The following ODAD1 variants were observed in gnomAD, a reference collection of about 807,000 sequenced individuals.
ODAD1 encodes the protein outer dynein arm-docking complex subunit 1.
In ODAD1, 49 loss-of-function variants were observed where a neutral mutation model predicts 67.2. That is an observed-to-expected ratio of 0.73 (90% confidence interval 0.58 to 0.92). The LOEUF is 0.92. ODAD1 is among the 40% of genes least tolerant of loss of function. The probability of loss-of-function intolerance (pLI) is 0.00; values close to 1 mark genes in which losing one functional copy is unlikely to be tolerated. For missense variants in ODAD1, 897 were observed against 953.7 expected (o/e 0.94, Z 0.78); for synonymous variants, 345 against 393.7 (o/e 0.88, Z 1.46).
intron 1 of ODAD1, 156 bp downstream of exon 1, chr19:48,321,507 GAGGGGCTTCCCCGTA>G (rs1969029559): frequency 3.6e-6 from 1 of 279,386 alleles, no homozygotes; most frequent in Non-Finnish European, 6.7e-6. Flanking sequence ...ACAGCGAGCG[GAGGGGCTTCCCCGTA>G]AGGGGCGGGC....
At chr19:48,317,168 G>A (rs1233511281) in intron 5 of ODAD1, among the ~76,000 whole-genome samples, 1 of 151,888 alleles carries the variant, frequency 6.6e-6, no homozygotes, top group Non-Finnish European at 1.5e-5. Context: ...TTCAATGAAG[G>A]CTAGACCAGA....
Position 48,313,273 on chromosome 19 carries a change from C to T in ODAD1, c.361-1157G>A, listed in dbSNP as rs560586652. Among the ~76,000 whole-genome samples the T allele has an allele frequency of 8.2e-4, 124 of 151,828 alleles. 1 individual carries two copies. The highest frequency in any genetic ancestry group is 2.9e-3 in the African/African-American group (119 of 41,426). On this transcript the variant is annotated intron_variant, in intron 5 of 15. Coordinates refer to ENST00000674294, the MANE Select transcript of ODAD1 (RefSeq NM_001364171.2). Reference sequence around the variant, plus strand: ...GCGAAACCCCACCTCTACTAAAATACAAAAATTAGCAAGGCGTGGTGGCAG... The same window carrying T: ...GCGAAACCCCACCTCTACTAAAATATAAAAATTAGCAAGGCGTGGTGGCAG...
intron 13 of ODAD1, 37 bp downstream of exon 13, chr19:48,298,140 G>A: frequency 6.2e-7 from 1 of 1,611,936 alleles, no homozygotes; most frequent in Non-Finnish European, 8.5e-7. Flanking sequence ...CCACCCCCGA[G>A]ACCGGCCTCC....
At chr19:48,317,409 C>T (rs1428044967) in intron 5 of ODAD1, among the ~76,000 whole-genome samples, 4 of 152,156 alleles carry the variant, frequency 2.6e-5, no homozygotes, top group South Asian at 2.1e-4. Context: ...AGATGGGATT[C>T]GCAACCTGTC....
intron 12 of ODAD1, among the ~76,000 whole-genome samples, chr19:48,299,571 A>G (rs973279487): frequency 1.3e-5 from 2 of 152,156 alleles, no homozygotes; most frequent in African/African-American, 2.4e-5. Context: ...TGGGAAGCCA[A>G]GGCGGGTGGA....
chr19:48,303,856 A>T lies in ODAD1; in HGVS notation c.854-72T>A. ...CACAGAGACCTCCTGGGTGAGGGGG[A>T]GCGAAGTGTGGTCCCACCTGGGGCA... On this transcript the variant is annotated intron_variant, in intron 9 of 15. Transcript: ENST00000674294. 13 of 1,573,102 alleles carry T rather than the reference A, an allele frequency of 8.3e-6. 1 individual carries two copies. In the South Asian group the frequency reaches 1.6e-4, roughly 19 times the overall value.
intron 3 of ODAD1, chr19:48,319,333 C>T: frequency 1.8e-6 from 1 of 559,152 alleles, no homozygotes; most frequent in Non-Finnish European, 2.3e-6. Flanking sequence ...ACAGCAGACC[C>T]TACCCCTCAT....
At chr19:48,317,224 A>AT (rs1474474023) in intron 5 of ODAD1, among the ~76,000 whole-genome samples, 1 of 151,870 alleles carries the variant, frequency 6.6e-6, no homozygotes, top group African/African-American at 2.4e-5. Context: ...ATATATATAT[A>AT]TATTATTTGC....
At chr19:48,303,482 G>T in intron 10 of ODAD1, 168 bp downstream of exon 10, 1 of 748,882 alleles carries the variant, frequency 1.3e-6, no homozygotes, top group South Asian at 1.8e-5. Flanking sequence ...CAGAGACAGG[G>T]CCACGGTAAG....
chr19:48,321,203 A>T (rs1969021291), intron 1 of ODAD1, among the ~76,000 whole-genome samples: 1 of 152,174 alleles, frequency 6.6e-6, no homozygotes, highest in African/African-American at 2.4e-5. Flanking sequence ...CCGCCACTGC[A>T]CTCCAGCCTG....
chr19:48,311,780 GA>G (rs1433586185), intron 6 of ODAD1, 114 bp from the exon 7 acceptor site: 3 of 813,632 alleles, frequency 3.7e-6, no homozygotes, highest in African/African-American at 1.7e-5. Flanking sequence ...TGTTTCCTGA[GA>G]AACAGAGGTT....
intron 5 of ODAD1, among the ~76,000 whole-genome samples, chr19:48,316,862 G>T (rs578179433): frequency 6.6e-6 from 1 of 152,302 alleles, no homozygotes; most frequent in South Asian, 2.1e-4. Flanking sequence ...AGCTGGGCTT[G>T]GTGGCACGTG....
rs918506361 is a variant in ODAD1, at chr19:48,306,413, G to C, written c.598-90C>G. The C allele has an allele frequency of 6.1e-5, 68 of 1,121,072 alleles. No individual in the cohort carries two copies. The South Asian group carries it at 8.6e-4, about 14-fold the overall frequency. 69.4% of individuals were successfully genotyped at this position (1,121,072 alleles called of 1,614,324 possible). ...TTTGGCCCCGTGCTTCTCCAATAAG[G>C]AGTAAAGCTCTTGAGCCTTCCAAAT... On this transcript the variant is annotated intron_variant, in intron 7 of 15. Transcript: ENST00000674294.
At chr19:48,303,861 A>G in intron 9 of ODAD1, 77 bp from the exon 10 acceptor site, 3 of 1,574,712 alleles carry the variant, frequency 1.9e-6, no homozygotes, top group Non-Finnish European at 2.6e-6. Context: ...GGGGGAGCGA[A>G]GTGTGGTCCC....
At chr19:48,317,337 G>A (rs1416312836) in intron 5 of ODAD1, among the ~76,000 whole-genome samples, 1 of 151,994 alleles carries the variant, frequency 6.6e-6, no homozygotes, top group African/African-American at 2.4e-5. Context: ...ATAAAAACTT[G>A]ACAGATCACT....
At chr19:48,298,668 T>C (rs535503764) in intron 12 of ODAD1, among the ~76,000 whole-genome samples, 1 of 152,332 alleles carries the variant, frequency 6.6e-6, no homozygotes, top group African/African-American at 2.4e-5. Flanking sequence ...CTGCTCTTCC[T>C]ATCTTGAAAA....
intron 12 of ODAD1, among the ~76,000 whole-genome samples, chr19:48,298,947 C>G (rs1968382809): frequency 6.6e-6 from 1 of 152,164 alleles, no homozygotes; most frequent in South Asian, 2.1e-4. Context: ...CTACGGTATG[C>G]CCCGAGGAGG....
intron 14 of ODAD1, 31 bp from the exon 15 acceptor site, chr19:48,297,699 T>C (rs1244885237): frequency 6.9e-7 from 1 of 1,456,748 alleles, no homozygotes; most frequent in Non-Finnish European, 9.1e-7. Context: ...TGGAAAAGAC[T>C]AGACCTCAGC....
At chr19:48,310,181 C>T (rs1398941645) in intron 7 of ODAD1, among the ~76,000 whole-genome samples, 3 of 152,024 alleles carry the variant, frequency 2.0e-5, no homozygotes, top group Non-Finnish European at 2.9e-5. Context: ...TTGCAGCGAG[C>T]CAAGATCACG....
Sources: gnomAD v4.1 joint callset for allele counts (sites outside exome capture counted in the v4.1 genomes callset) on GRCh38, gnomAD v4.1.1 for gene constraint, MANE v1.5 for transcripts, NCBI Gene and HGNC (gene_info 2026-07-23, HGNC 2026-07-21) for gene names.